Variants in SPAG16 observed in about 807,000 individuals in gnomAD.
SPAG16 encodes the protein sperm-associated antigen 16 protein.
SPAG16 carries 86 observed loss-of-function variants against 80.4 expected under a neutral mutation model. That is an observed-to-expected ratio of 1.07 (90% CI 0.90 to 1.28). The LOEUF (loss-of-function observed/expected upper bound fraction) is 1.28. Ranked by LOEUF, SPAG16 falls within the 50% of genes most tolerant of loss-of-function variation. The pLI is 0.00. For missense variants in SPAG16, 870 were observed against 765.3 expected (o/e 1.14, Z -1.61); for synonymous variants, 294 against 265.9 (o/e 1.11, Z -1.03).
At chr2:213,688,819 CTAG>C (rs1488915078) in intron 10 of SPAG16, among the ~76,000 whole-genome samples, 1 of 152,074 alleles carries the variant, frequency 6.6e-6, no homozygotes, top group East Asian at 1.9e-4. Flanking sequence ...CTGCTTCCAT[CTAG>C]TAAATTATCT....
chr2:214,285,738 G>A (rs914560199), intron 15 of SPAG16, among the ~76,000 whole-genome samples: 5 of 152,060 alleles, frequency 3.3e-5, no homozygotes, highest in Admixed American at 6.5e-5. Context: ...GGGAGGCGGA[G>A]GTTGCAGTGA....
intron 12 of SPAG16, among the ~76,000 whole-genome samples, chr2:213,944,154 G>C (rs1196582766): frequency 6.6e-6 from 1 of 152,194 alleles, no homozygotes; most frequent in Non-Finnish European, 1.5e-5. Flanking sequence ...ACCAATGGGT[G>C]GGGTAATATT....
chr2:213,820,862 A>C (rs2072894369), intron 10 of SPAG16, among the ~76,000 whole-genome samples: 2 of 152,198 alleles, frequency 1.3e-5, no homozygotes, highest in African/African-American at 4.8e-5. Flanking sequence ...TTATATGTAT[A>C]ATGCTTTTAT....
intron 10 of SPAG16, among the ~76,000 whole-genome samples, chr2:213,765,669 C>T (rs960514452): frequency 6.6e-6 from 1 of 152,056 alleles, no homozygotes; most frequent in African/African-American, 2.4e-5. Context: ...ATTCTTCTTC[C>T]TCCAACCTTG....
At chr2:213,724,034 C>T (rs1264871392) in intron 10 of SPAG16, among the ~76,000 whole-genome samples, 1 of 152,158 alleles carries the variant, frequency 6.6e-6, no homozygotes, top group Non-Finnish European at 1.5e-5. Flanking sequence ...CTTCTTCCTC[C>T]CCAGACCCAT....
intron 10 of SPAG16, among the ~76,000 whole-genome samples, chr2:213,679,924 G>A (rs1391291147): frequency 6.6e-6 from 1 of 152,052 alleles, no homozygotes; most frequent in Admixed American, 6.6e-5. Flanking sequence ...GGTGAGGGAG[G>A]GATTCTTGTT....
chr2:214,036,284 T>A (rs1416870478), intron 13 of SPAG16, among the ~76,000 whole-genome samples: 1 of 152,146 alleles, frequency 6.6e-6, no homozygotes. Context: ...TTGAGCACTC[T>A]CCCAACTTTC....
At chr2:213,824,072 C>T (rs908664688) in intron 10 of SPAG16, among the ~76,000 whole-genome samples, 1 of 152,154 alleles carries the variant, frequency 6.6e-6, no homozygotes, top group Non-Finnish European at 1.5e-5. Context: ...TTTAATCCAT[C>T]TTGAGTTAAT....
chr2:213,984,247 G>A (rs143381939), intron 12 of SPAG16, among the ~76,000 whole-genome samples: 165 of 152,150 alleles, frequency 1.1e-3, no homozygotes, highest in Non-Finnish European at 2.2e-3. Flanking sequence ...GCTTCAAATT[G>A]ACATTGCATA....
intron 10 of SPAG16, among the ~76,000 whole-genome samples, chr2:213,625,133 GTACT>G (rs1278781225): frequency 2.6e-5 from 4 of 152,072 alleles, no homozygotes; most frequent in African/African-American, 9.7e-5. Flanking sequence ...TACTATAAAA[GTACT>G]TACTTCATGT....
At chr2:213,872,095 C>T (rs1559541100) in intron 11 of SPAG16, among the ~76,000 whole-genome samples, 1 of 152,078 alleles carries the variant, frequency 6.6e-6, no homozygotes, top group Non-Finnish European at 1.5e-5. Flanking sequence ...AATCTGTAAT[C>T]AGCTGACTTT....
In SPAG16 at chr2:214,149,194, C is replaced by A. The variant is rs150282509; in HGVS notation, c.1648C>A (p.Arg550=). ...ACGVTKLWDF[R]KLLPIVSIDI... ...TGGGGTTACAAAGCTGTGGGACTTT[C>A]GGAAGCTGTTACCAATTGTGTCCAT... The change falls in exon 15 of 16, where the codon CGG becomes AGG. Residue 550 remains arginine, a synonymous_variant. Transcript: ENST00000331683. 2 of 1,597,456 alleles carry A rather than the reference C, an allele frequency of 1.3e-6. No homozygotes were observed. Among genetic ancestry groups the A allele is most frequent in the Non-Finnish European group, 1.7e-6 (2 of 1,171,794 alleles).
At position 213,468,515 on chromosome 2, in the gene SPAG16, A is replaced by C. The variant is rs1040444481; in HGVS notation, c.943-21448A>C. On this transcript the variant is annotated intron_variant, in intron 9 of 15. Transcript: ENST00000331683. The stretch of plus-strand genomic sequence containing the variant: ...TGTATTTATATATAGATATATATAT[A>C]TCTATGTATTTATATATAGATATAT... 2.2e-3 allele frequency among the ~76,000 whole-genome samples: 281 copies of C among 130,308 alleles called. 4 individuals are homozygous for C. Among genetic ancestry groups the C allele is most frequent in the African/African-American group, 9.2e-3 (258 of 28,008 alleles). The allele number at this position is 130,308 out of a possible 152,430, so 85.5% of individuals were successfully genotyped here.
chr2:213,385,679 T>A (rs2125263122), intron 9 of SPAG16, among the ~76,000 whole-genome samples: 1 of 152,104 alleles, frequency 6.6e-6, no homozygotes, highest in Non-Finnish European at 1.5e-5. Context: ...TGAAGAGAGG[T>A]GTGCTCGTCT....
chr2:214,249,059 A>G (rs1182309369), intron 15 of SPAG16, among the ~76,000 whole-genome samples: 3 of 152,186 alleles, frequency 2.0e-5, no homozygotes, highest in African/African-American at 7.2e-5. Context: ...GAAGAAAACC[A>G]TGAGCCCACA....
chr2:214,199,021 G>A (rs1289555709), intron 15 of SPAG16, among the ~76,000 whole-genome samples: 1 of 152,096 alleles, frequency 6.6e-6, no homozygotes, highest in Admixed American at 6.6e-5. Flanking sequence ...CAGATGTGTA[G>A]TTTGTGAATA....
intron 10 of SPAG16, among the ~76,000 whole-genome samples, chr2:213,578,545 C>T (rs972245124): frequency 3.9e-5 from 6 of 151,968 alleles, no homozygotes; most frequent in African/African-American, 1.4e-4. Flanking sequence ...TTTAGTAAAT[C>T]CTTATTTTAT....
chr2:213,441,682 A>G (rs1471425705), intron 9 of SPAG16, among the ~76,000 whole-genome samples: 1 of 152,252 alleles, frequency 6.6e-6, no homozygotes, highest in Non-Finnish European at 1.5e-5. Flanking sequence ...CATTGGGAAG[A>G]AATAAAATTA....
intron 9 of SPAG16, among the ~76,000 whole-genome samples, chr2:213,433,422 T>C (rs2070425271): frequency 6.6e-6 from 1 of 152,200 alleles, no homozygotes; most frequent in South Asian, 2.1e-4. Flanking sequence ...ACAAAATCAA[T>C]TTACAAAAAT....
Sources: allele counts gnomAD v4.1 joint callset (sites outside exome capture counted in the v4.1 genomes callset), GRCh38; gene constraint gnomAD v4.1.1; transcripts MANE v1.5; gene names NCBI Gene and HGNC (gene_info 2026-07-23, HGNC 2026-07-21).